The following C12orf42 variants were observed in gnomAD, a reference collection of about 807,000 sequenced individuals.
C12orf42 encodes chromosome 12 open reading frame 42, also known as uncharacterized protein C12orf42.
Under a neutral mutation model 21.6 loss-of-function variants are expected in C12orf42, and 25 were observed. The observed-to-expected ratio is 1.16, with a 90% CI of 0.84 to 1.62. The LOEUF is 1.62. C12orf42 is among the 40% of genes most tolerant of loss of function. The pLI is 0.00. For synonymous variants in C12orf42, 174 were observed against 175.0 expected (o/e 0.99, Z 0.05); for missense variants, 483 against 459.3 (o/e 1.05, Z -0.47).
the C12orf42 span, chr12:103,558,392 A>G: frequency 2.0e-5 from 3 of 152,218 alleles, no homozygotes; most frequent in Non-Finnish European, 4.4e-5. Flanking sequence ...ACGGTACTCC[A>G]GGAACCTTAA....
the C12orf42 span, among the ~76,000 whole-genome samples, chr12:103,231,129 A>C: frequency 1.3e-5 from 2 of 152,216 alleles, no homozygotes; most frequent in African/African-American, 4.8e-5. Context: ...GGTCTGACAT[A>C]TAATGTTTTC....
the C12orf42 span, among the ~76,000 whole-genome samples, chr12:103,183,153 T>C: frequency 2.6e-5 from 4 of 152,224 alleles, no homozygotes; most frequent in East Asian, 7.7e-4. Context: ...CCGTTCTCAG[T>C]TCACTGAAAC....
At chr12:103,447,092 A>G (rs1046528526) in intron 2 of C12orf42, among the ~76,000 whole-genome samples, 4 of 152,042 alleles carry the variant, frequency 2.6e-5, no homozygotes, top group Non-Finnish European at 5.9e-5. Flanking sequence ...ACATTCTCCA[A>G]GATAGACCAT....
At chr12:103,057,961 CT>C in the C12orf42 span, among the ~76,000 whole-genome samples, 2,705 of 140,810 alleles carry the variant, frequency 0.019, 52 homozygotes, top group African/African-American at 0.053. Context: ...TGATAATGAG[CT>C]TTTTTTTTTT....
chr12:103,208,771 A>G, the C12orf42 span, among the ~76,000 whole-genome samples: 1 of 152,090 alleles, frequency 6.6e-6, no homozygotes, highest in Non-Finnish European at 1.5e-5. Context: ...TCTTGCATTC[A>G]TTTTTGTTAT....
chr12:103,457,471 C>T (rs1263738685), intron 2 of C12orf42, among the ~76,000 whole-genome samples: 1 of 152,136 alleles, frequency 6.6e-6, no homozygotes, highest in African/African-American at 2.4e-5. Flanking sequence ...TGTGTTTGTT[C>T]ATCAGGGATG....
the C12orf42 span, among the ~76,000 whole-genome samples, chr12:103,215,074 T>A: frequency 6.6e-6 from 1 of 152,134 alleles, no homozygotes; most frequent in Non-Finnish European, 1.5e-5. Context: ...TAATACATAT[T>A]TATTGCATGG....
intron 2 of C12orf42, among the ~76,000 whole-genome samples, chr12:103,426,770 C>T (rs913319330): frequency 4.6e-5 from 7 of 152,178 alleles, no homozygotes; most frequent in Non-Finnish European, 1.0e-4. Flanking sequence ...TCGGCAGAAA[C>T]CCTACAAGCC....
chr12:103,505,301 C>A, the C12orf42 span: 1 of 263,828 alleles, frequency 3.8e-6, no homozygotes. Flanking sequence ...TCACAGTGCA[C>A]CCTCCGACCC....
the C12orf42 span, among the ~76,000 whole-genome samples, chr12:103,529,848 C>T: frequency 6.6e-6 from 1 of 152,162 alleles, no homozygotes; most frequent in Non-Finnish European, 1.5e-5. Flanking sequence ...CCCTCACCCC[C>T]AAAGAGATTT....
the C12orf42 span, among the ~76,000 whole-genome samples, chr12:103,074,656 C>A: frequency 6.6e-6 from 1 of 152,046 alleles, no homozygotes; most frequent in African/African-American, 2.4e-5. Context: ...AGGATTCTGC[C>A]CTGGAATGAA....
At chr12:103,465,915 G>A (rs1304402975) in intron 2 of C12orf42, among the ~76,000 whole-genome samples, 4 of 152,194 alleles carry the variant, frequency 2.6e-5, no homozygotes, top group Admixed American at 6.5e-5. Flanking sequence ...ATTTGTGCAT[G>A]TTGAACCAGC....
At chr12:103,333,890 A>G (rs2041460732) in intron 4 of C12orf42, among the ~76,000 whole-genome samples, 1 of 152,206 alleles carries the variant, frequency 6.6e-6, no homozygotes, top group African/African-American at 2.4e-5. Context: ...ACCATGAACA[A>G]TGCCTCATAT....
chr12:103,169,588 T>C, the C12orf42 span, among the ~76,000 whole-genome samples: 4 of 152,168 alleles, frequency 2.6e-5, no homozygotes, highest in Non-Finnish European at 2.9e-5. Flanking sequence ...CCAGTGTCAG[T>C]GCTCTTAAAC....
intron 4 of C12orf42, among the ~76,000 whole-genome samples, chr12:103,326,417 GCTTC>G (rs2040711879): frequency 6.6e-6 from 1 of 152,180 alleles, no homozygotes; most frequent in Admixed American, 6.5e-5. Context: ...AGATCCTGTT[GCTTC>G]CTTGCTCAAG....
At chr12:103,090,198 G>T in the C12orf42 span, among the ~76,000 whole-genome samples, 1 of 152,184 alleles carries the variant, frequency 6.6e-6, no homozygotes, top group South Asian at 2.1e-4. Flanking sequence ...TTTGTTCCTA[G>T]TATCAGCCAC....
chr12:103,376,826 C>A (rs927038911), intron 3 of C12orf42, among the ~76,000 whole-genome samples: 1 of 152,076 alleles, frequency 6.6e-6, no homozygotes, highest in African/African-American at 2.4e-5. Context: ...TCCTGCCTTG[C>A]AATTCTATAA....
intron 2 of C12orf42, among the ~76,000 whole-genome samples, chr12:103,406,336 C>T (rs929148052): frequency 1.3e-5 from 2 of 152,146 alleles, no homozygotes; most frequent in African/African-American, 2.4e-5. Context: ...TAGATAGCTG[C>T]TTTCAAGAGG....
intron 2 of C12orf42, among the ~76,000 whole-genome samples, chr12:103,468,894 T>G (rs192679021): frequency 6.0e-4 from 92 of 152,336 alleles, no homozygotes; most frequent in African/African-American, 2.1e-3. Context: ...ATTTTCATGG[T>G]AATTTGTTAA....
Sources: allele counts gnomAD v4.1 joint callset (sites outside exome capture counted in the v4.1 genomes callset), GRCh38; gene constraint gnomAD v4.1.1; transcripts MANE v1.5; gene names NCBI Gene and HGNC (gene_info 2026-07-23, HGNC 2026-07-21).